Variants in DAAM1 observed in about 807,000 individuals in gnomAD.
The protein encoded by DAAM1 is disheveled-associated activator of morphogenesis 1.
A neutral mutation model predicts 130.0 loss-of-function variants in DAAM1; 52 were observed. The observed-to-expected ratio is 0.40, with a 90% CI of 0.32 to 0.50. The LOEUF is 0.50. DAAM1 is among the 20% of genes least tolerant of loss of function. The pLI, the probability that DAAM1 is intolerant of heterozygous loss-of-function variation, is 0.61. For synonymous variants in DAAM1, 452 were observed against 444.5 expected (o/e 1.02, Z -0.21); for missense variants, 1,134 against 1,303.8 (o/e 0.87, Z 2.01).
intron 2 of DAAM1, among the ~76,000 whole-genome samples, chr14:59,290,772 T>G (rs1362082911): frequency 6.6e-6 from 1 of 152,202 alleles, no homozygotes; most frequent in Non-Finnish European, 1.5e-5. Context: ...CTTTGTCTGT[T>G]TCTCCCCTCC....
In DAAM1 at chr14:59,280,071, A is replaced by T. The variant is rs117693954; in HGVS notation, c.184-11146A>T. On this transcript the variant is annotated intron_variant, in intron 2 of 24. Transcript: ENST00000360909. ...ACAGAAACTAGAAGAGCTAAAATTT[A>T]AAAAAACAGCACCAAGTGTTGATGA... Among the ~76,000 whole-genome samples, 1,311 of 152,266 alleles carry T rather than the reference A, an allele frequency of 8.6e-3. 35 individuals are homozygous for T. The highest frequency in any genetic ancestry group is 0.079 in the East Asian group (410 of 5,182).
At chr14:59,212,897 T>C (rs944621063) in intron 1 of DAAM1, among the ~76,000 whole-genome samples, 4 of 152,200 alleles carry the variant, frequency 2.6e-5, no homozygotes, top group African/African-American at 9.7e-5. Flanking sequence ...TGAATTTCTT[T>C]AACACTTTAA....
At chr14:59,294,322 T>C (rs1218368885) in intron 3 of DAAM1, among the ~76,000 whole-genome samples, 2 of 152,230 alleles carry the variant, frequency 1.3e-5, no homozygotes, top group Non-Finnish European at 1.5e-5. Context: ...TCAGTGTTCA[T>C]TTATGAAACT....
At chr14:59,192,146 A>AGG (rs1232168381) in intron 1 of DAAM1, among the ~76,000 whole-genome samples, 179 of 97,510 alleles carry the variant, frequency 1.8e-3, no homozygotes, top group Admixed American at 4.5e-3. Flanking sequence ...CTGCTTGTTA[A>AGG]GGGGTGTGTG....
In DAAM1 at chr14:59,331,145, C is replaced by G. The variant is rs1355625380; in HGVS notation, c.1561-64C>G. The stretch of plus-strand genomic sequence containing the variant: ...AACATTTTAGGCCAAGTTACAGACT[C>G]TTAAATCATTCAATGAATTTACTTC... On this transcript the variant is annotated intron_variant, in intron 13 of 24. Coordinates refer to ENST00000360909, the MANE Select transcript of DAAM1 (RefSeq NM_001270520.2). The G allele has an allele frequency of 2.8e-5, 44 of 1,586,198 alleles. 1 individual carries two copies. Among genetic ancestry groups the G allele is most frequent in the Non-Finnish European group, 2.4e-5 (28 of 1,168,536 alleles).
intron 16 of DAAM1, among the ~76,000 whole-genome samples, chr14:59,344,515 T>C (rs1392143828): frequency 1.3e-5 from 2 of 152,190 alleles, no homozygotes; most frequent in Admixed American, 1.3e-4. Context: ...CAGATGATAC[T>C]AAGAACTCTG....
intron 1 of DAAM1, among the ~76,000 whole-genome samples, chr14:59,260,239 T>C (rs1882107446): frequency 6.6e-6 from 1 of 152,248 alleles, no homozygotes; most frequent in African/African-American, 2.4e-5. Flanking sequence ...TTTCCCCCTC[T>C]AATATAAGCA....
At chr14:59,367,353 G>T in intron 23 of DAAM1, 76 bp from the exon 24 acceptor site, 2 of 1,515,268 alleles carry the variant, frequency 1.3e-6, no homozygotes, top group Non-Finnish European at 1.8e-6. Flanking sequence ...CTGGGCTTTG[G>T]TCTTTCTCAA....
At chr14:59,201,296 C>A (rs1026143526) in intron 1 of DAAM1, among the ~76,000 whole-genome samples, 8 of 152,104 alleles carry the variant, frequency 5.3e-5, no homozygotes, top group Non-Finnish European at 1.0e-4. Flanking sequence ...GTCTGGCTGC[C>A]TAGCTGGTTA....
intron 3 of DAAM1, among the ~76,000 whole-genome samples, chr14:59,300,661 A>T (rs1205658304): frequency 6.6e-6 from 1 of 152,182 alleles, no homozygotes; most frequent in Non-Finnish European, 1.5e-5. Context: ...GATTTTTTTT[A>T]AAAAAGAAAT....
At chr14:59,206,405 A>G (rs1039675443) in intron 1 of DAAM1, among the ~76,000 whole-genome samples, 1 of 152,056 alleles carries the variant, frequency 6.6e-6, no homozygotes, top group Non-Finnish European at 1.5e-5. Flanking sequence ...CCTCCTGTAT[A>G]GCTGGGACTA....
intron 2 of DAAM1, among the ~76,000 whole-genome samples, chr14:59,273,371 A>G (rs1394062753): frequency 6.6e-6 from 1 of 152,172 alleles, no homozygotes; most frequent in African/African-American, 2.4e-5. Context: ...ATATTAGATC[A>G]AGGAGACTGA....
At chr14:59,330,746 C>G in intron 13 of DAAM1, 58 bp downstream of exon 13, 1 of 1,501,886 alleles carries the variant, frequency 6.7e-7, no homozygotes, top group Admixed American at 2.3e-5. Flanking sequence ...CCCTAGAGCC[C>G]CTCACCCTTA....
chr14:59,217,105 G>T (rs1335917805), intron 1 of DAAM1, among the ~76,000 whole-genome samples: 1 of 152,166 alleles, frequency 6.6e-6, no homozygotes, highest in South Asian at 2.1e-4. Flanking sequence ...TCTGAAATGG[G>T]CTGGTTTTCA....
intron 22 of DAAM1, 185 bp from the exon 23 acceptor site, chr14:59,363,460 ACATGGG>A (rs1886790449): frequency 3.1e-6 from 2 of 655,456 alleles, no homozygotes; most frequent in Non-Finnish European, 5.0e-6. Context: ...ATGCGTGTGC[ACATGGG>A]CATGGCTTTG....
At chr14:59,367,295 G>T (rs889305728) in intron 23 of DAAM1, 134 bp from the exon 24 acceptor site, 4 of 1,400,734 alleles carry the variant, frequency 2.9e-6, no homozygotes, top group East Asian at 2.6e-5. Flanking sequence ...CCAAAAGAAA[G>T]AAAGAAATAA....
intron 1 of DAAM1, among the ~76,000 whole-genome samples, chr14:59,258,343 G>A (rs1355849421): frequency 6.6e-6 from 1 of 152,154 alleles, no homozygotes; most frequent in Non-Finnish European, 1.5e-5. Context: ...GATGGGGGCT[G>A]GAAAATCAAG....
chr14:59,353,741 A>G, intron 18 of DAAM1, 135 bp from the exon 19 acceptor site: 1 of 779,604 alleles, frequency 1.3e-6, no homozygotes, highest in African/African-American at 1.7e-5. Flanking sequence ...CCATGAGAAC[A>G]ACTAATGTAT....
At position 59,263,613 on chromosome 14, in the gene DAAM1, C is replaced by G; in HGVS notation, c.136C>G (p.Pro46Ala). ...FALQTMEPAL[P>A]MPPVEELDVM... The stretch of plus-strand genomic sequence containing the variant: ...GCTTCAGACCATGGAACCAGCATTG[C>G]CCATGCCCCCTGTGGAGGAGCTGGA... Residue 46 changes from proline to alanine, a missense_variant, in exon 2 of 25, where the codon CCC (proline) becomes GCC (alanine). Around this residue, in one of 3 missense-constraint regions of DAAM1, gnomAD observed 99 missense variants for 86.4 expected, o/e 1.15. Transcript: ENST00000360909. 1 of 1,614,182 alleles carries G rather than the reference C, an allele frequency of 6.2e-7. No individual in the cohort carries two copies. Among genetic ancestry groups the G allele is most frequent in the Non-Finnish European group, 8.5e-7 (1 of 1,180,034 alleles).
Sources: gnomAD v4.1 joint callset for allele counts (sites outside exome capture counted in the v4.1 genomes callset) on GRCh38, gnomAD v4.1.1 for gene constraint, gnomAD v4.1.1 regional missense constraint, MANE v1.5 for transcripts, NCBI Gene and HGNC (gene_info 2026-07-23, HGNC 2026-07-21) for gene names.